SCN8A: variants seen among roughly 807,000 people sequenced by gnomAD.
The protein encoded by SCN8A is sodium channel protein type 8 subunit alpha.
In SCN8A, 30 loss-of-function variants were observed where a neutral mutation model predicts 184.1. The observed-to-expected ratio is 0.16, with a 90% CI of 0.12 to 0.22. The LOEUF is 0.22. SCN8A is among the 10% of genes least tolerant of loss of function. SCN8A has a pLI of 1.00. For missense variants in SCN8A, 1,057 were observed against 2,498.9 expected (o/e 0.42, Z 12.30); for synonymous variants, 852 against 907.0 (o/e 0.94, Z 1.09).
At chr12:51,724,047 G>A (rs991920049) in intron 12 of SCN8A, among the ~76,000 whole-genome samples, 4 of 152,120 alleles carry the variant, frequency 2.6e-5, no homozygotes, top group Non-Finnish European at 5.9e-5. Context: ...ACACTTGGCC[G>A]TTGCTCTTCT....
At chr12:51,789,526 A>G (rs1234189473) in intron 24 of SCN8A, 108 bp downstream of exon 24, 3 of 1,242,604 alleles carry the variant, frequency 2.4e-6, no homozygotes, top group African/African-American at 3.0e-5. Flanking sequence ...TCTAAAATCT[A>G]TATTGTTAGC....
intron 1 of SCN8A, among the ~76,000 whole-genome samples, chr12:51,647,955 T>C (rs1940627496): frequency 2.0e-5 from 3 of 152,226 alleles, no homozygotes; most frequent in African/African-American, 7.2e-5. Context: ...GCTATAGTTC[T>C]GTACCAAGCT....
At chr12:51,771,221 G>C (rs893083652) in intron 19 of SCN8A, among the ~76,000 whole-genome samples, 4 of 152,180 alleles carry the variant, frequency 2.6e-5, no homozygotes, top group Non-Finnish European at 5.9e-5. Context: ...CTTGGCATTT[G>C]CTTTTATTTT....
chr12:51,627,970 C>G (rs1416783505), intron 1 of SCN8A, among the ~76,000 whole-genome samples: 1 of 152,072 alleles, frequency 6.6e-6, no homozygotes, highest in African/African-American at 2.4e-5. Flanking sequence ...CCAAATAAAA[C>G]CTTTGGAGAC....
chr12:51,637,811 A>G (rs1940352116), intron 1 of SCN8A, among the ~76,000 whole-genome samples: 1 of 152,232 alleles, frequency 6.6e-6, no homozygotes, highest in South Asian at 2.1e-4. Flanking sequence ...GACGGTGACC[A>G]TACTAAACAA....
Position 51,780,565 on chromosome 12 carries a change from CTTTTTTTTTTTTTTTTTTTTTTT to C in SCN8A, c.3820-67_3820-45del, listed in dbSNP as rs528514747. 409 of 297,780 alleles carry C rather than the reference CTTTTTTTTTTTTTTTTTTTTTTT, an allele frequency of 1.4e-3. 6 individuals carry two copies. The highest frequency in any genetic ancestry group is 2.6e-3 in the Admixed American group (8 of 3,060). The allele number at this position is 297,780 out of a possible 1,614,324, so 18.4% of individuals were successfully genotyped here. ...ACACTCTGGAACCTCTGTTTTCTTT[CTTTTTTTTTTTTTTTTTTTTTTT>C]TTTTTTTTTTTTTTTTGGTTACCTT... is the stretch of plus-strand genomic sequence containing the variant. On this transcript the variant is annotated intron_variant, in intron 20 of 26. Transcript: ENST00000627620.
chr12:51,789,206 T>TA, intron 23 of SCN8A, 75 bp from the exon 24 acceptor site: 2 of 1,532,670 alleles, frequency 1.3e-6, no homozygotes, highest in Admixed American at 1.8e-5. Flanking sequence ...TGGTCACAGT[T>TA]ACGGCTGATG....
rs193211935 is a variant in SCN8A at position 51,662,088 on chromosome 12, T to C, written c.-54-676T>C. Among the ~76,000 whole-genome samples the C allele has an allele frequency of 1.0e-3, 156 of 152,330 alleles. 1 individual carries two copies. The highest frequency in any genetic ancestry group is 1.8e-3 in the Non-Finnish European group (124 of 68,034). On this transcript the variant is annotated intron_variant, in intron 1 of 26. Coordinates refer to ENST00000627620, the MANE Select transcript of SCN8A (RefSeq NM_001330260.2). ...TCTAGGATTCCACTCCCATTTGCTTTTTCTAGTTGCTAAGCAGGTGGCACT... is the reference window on the plus strand; with the variant it reads ...TCTAGGATTCCACTCCCATTTGCTTCTTCTAGTTGCTAAGCAGGTGGCACT...
Position 51,689,154 on chromosome 12 carries a change from G to A in SCN8A, c.706+58G>A, listed in dbSNP as rs1941467056. On this transcript the variant is annotated intron_variant, in intron 6 of 26. Coordinates refer to ENST00000627620, the MANE Select transcript of SCN8A (RefSeq NM_001330260.2). ...CACATCTCCTCTTTCTCCTCCATTC[G>A]TTTTGTCCACCATTCTAAAGCAGCA... The A allele has an allele frequency of 9.4e-6, 12 of 1,273,978 alleles. No individual in the cohort carries two copies. In the East Asian group the frequency reaches 2.0e-4, roughly 21 times the overall value. 78.9% of individuals were successfully genotyped at this position (1,273,978 alleles called of 1,614,324 possible).
At chr12:51,622,678 T>G (rs1380593252) in intron 1 of SCN8A, among the ~76,000 whole-genome samples, 1 of 152,234 alleles carries the variant, frequency 6.6e-6, no homozygotes, top group Non-Finnish European at 1.5e-5. Flanking sequence ...TTTGGTTGTG[T>G]TAGTGTTTGC....
In SCN8A at chr12:51,658,446, T is replaced by G. The variant is rs188980675; in HGVS notation, c.-54-4318T>G. Among the ~76,000 whole-genome samples the G allele has an allele frequency of 2.0e-5, 3 of 152,270 alleles. No homozygotes were observed. The East Asian group carries it at 5.8e-4, about 29-fold the overall frequency. On this transcript the variant is annotated intron_variant, in intron 1 of 26. Transcript: ENST00000627620. ...TGGATGTATAGAAATGCTACTGATT[T>G]TTGTACGTTGATTCTGTACCCTGCA...
intron 1 of SCN8A, among the ~76,000 whole-genome samples, chr12:51,657,162 G>A (rs1034907882): frequency 2.6e-4 from 39 of 151,858 alleles, no homozygotes; most frequent in Non-Finnish European, 5.2e-4. Context: ...ATATTTTGGG[G>A]TTTTTTTGGT....
At chr12:51,745,238 CAT>C (rs1407923378) in intron 12 of SCN8A, among the ~76,000 whole-genome samples, 1 of 152,130 alleles carries the variant, frequency 6.6e-6, no homozygotes, top group Non-Finnish European at 1.5e-5. Flanking sequence ...CAGGTTAACT[CAT>C]AAAACTGTGA....
chr12:51,657,082 T>C (rs1940836040), intron 1 of SCN8A, among the ~76,000 whole-genome samples: 2 of 152,066 alleles, frequency 1.3e-5, no homozygotes, highest in African/African-American at 4.8e-5. Flanking sequence ...AGTCGAAAGG[T>C]AGAAAGAATT....
intron 11 of SCN8A, 100 bp from the exon 12 acceptor site, chr12:51,721,446 G>A: frequency 7.9e-7 from 1 of 1,272,674 alleles, no homozygotes; most frequent in Non-Finnish European, 1.1e-6. Context: ...GGAGTGCGAG[G>A]GTGGGGCCGG....
At chr12:51,692,042 C>T (rs1941518613) in intron 6 of SCN8A, among the ~76,000 whole-genome samples, 1 of 152,094 alleles carries the variant, frequency 6.6e-6, no homozygotes, top group South Asian at 2.1e-4. Flanking sequence ...CCATGATTCC[C>T]CCTTAGTAAA....
At position 51,807,365 on chromosome 12, in the gene SCN8A, G is replaced by T. The variant is rs369346315; in HGVS notation, c.5879G>T (p.Arg1960Leu). The stretch of plus-strand genomic sequence containing the variant: ...AAACCTGAAAAGGAGAAACAGCAGC[G>T]GGCAGAGGAAGGAAGAAGGGAAAGA... Reference protein sequence around the residue: ...VTKPEKEKQQRAEEGRRERAK... With the variant: ...VTKPEKEKQQLAEEGRRERAK... Residue 1960 changes from arginine to leucine, a missense_variant, in exon 27 of 27, where the codon CGG becomes CTG. Arg to Leu is a moderately radical substitution (Grantham distance 102, BLOSUM62 -2). Around this residue, in one of 19 missense-constraint regions of SCN8A, gnomAD observed 95 missense variants for 140.2 expected, o/e 0.68. Transcript: ENST00000627620. The surrounding 1 kb of genome is among the most constrained non-coding windows in gnomAD (Gnocchi z 4.5). 3 of 1,613,588 alleles carry T rather than the reference G, an allele frequency of 1.9e-6. No individual in the cohort carries two copies. Among genetic ancestry groups the T allele is most frequent in the Non-Finnish European group, 1.7e-6 (2 of 1,179,740 alleles).
intron 11 of SCN8A, among the ~76,000 whole-genome samples, chr12:51,709,637 G>T (rs4762002): frequency 0.77 from 116,982 of 152,066 alleles, 46,981 homozygotes; most frequent in East Asian, 0.9. Flanking sequence ...GCCATGTTGA[G>T]TGGGGAGTGG....
chr12:51,721,964 C>A, intron 12 of SCN8A, 56 bp downstream of exon 12: 1 of 1,599,090 alleles, frequency 6.3e-7, no homozygotes, highest in Non-Finnish European at 8.5e-7. Flanking sequence ...ACAAATAGAT[C>A]GAGGCTAGGC....
Sources: gnomAD v4.1 joint callset for allele counts (sites outside exome capture counted in the v4.1 genomes callset) on GRCh38, gnomAD v4.1.1 for gene constraint, gnomAD v4.1.1 regional missense constraint, Gnocchi (gnomAD v3.1) non-coding constraint, MANE v1.5 for transcripts, NCBI Gene and HGNC (gene_info 2026-07-23, HGNC 2026-07-21) for gene names.